RIMS2: variants seen among roughly 807,000 people sequenced by gnomAD.
The protein encoded by RIMS2 is regulating synaptic membrane exocytosis protein 2.
RIMS2 carries 59 observed loss-of-function variants against 174.4 expected under a neutral mutation model. The ratio of observed to expected loss-of-function variants is 0.34; its 90% CI spans 0.27 to 0.42. The LOEUF is 0.42. RIMS2 is among the 10% of genes least tolerant of loss of function. The pLI is 1.00. For synonymous variants in RIMS2, 606 were observed against 572.5 expected (o/e 1.06, Z -0.84); for missense variants, 1,620 against 1,666.3 (o/e 0.97, Z 0.48).
chr8:104,168,005 A>C (rs1586388690), intron 19 of RIMS2, among the ~76,000 whole-genome samples: 2 of 152,026 alleles, frequency 1.3e-5, no homozygotes, highest in African/African-American at 4.8e-5. Context: ...TGGGTTCTCT[A>C]TTCTATTCCA....
intron 19 of RIMS2, chr8:104,223,525 G>A: frequency 2.1e-6 from 3 of 1,416,534 alleles, no homozygotes; most frequent in Non-Finnish European, 2.8e-6. Flanking sequence ...AGGGGCCAGA[G>A]CCTCAGGGTC....
At chr8:103,990,866 T>C (rs1212335604) in intron 17 of RIMS2, among the ~76,000 whole-genome samples, 1 of 151,980 alleles carries the variant, frequency 6.6e-6, no homozygotes, top group Non-Finnish European at 1.5e-5. Flanking sequence ...AAATAAATGC[T>C]GTCTAAATCT....
At chr8:104,192,128 G>A (rs534663870) in intron 19 of RIMS2, among the ~76,000 whole-genome samples, 73 of 152,272 alleles carry the variant, frequency 4.8e-4, no homozygotes, top group African/African-American at 1.6e-3. Flanking sequence ...ACTGCAGGCA[G>A]TAGTGATAGG....
intron 19 of RIMS2, among the ~76,000 whole-genome samples, chr8:104,058,291 G>C (rs1307782721): frequency 1.4e-5 from 2 of 147,516 alleles, no homozygotes; most frequent in African/African-American, 5.1e-5. Context: ...TCTCATTGTG[G>C]TTTTGATTTG....
intron 13 of RIMS2, among the ~76,000 whole-genome samples, chr8:103,940,867 C>T (rs1182719741): frequency 7.1e-6 from 1 of 140,698 alleles, no homozygotes; most frequent in Non-Finnish European, 1.5e-5. Flanking sequence ...CAGAGTGAGA[C>T]TCCATCTCAA....
chr8:103,975,282 A>G (rs2093319613), intron 15 of RIMS2, 68 bp from the exon 18 acceptor site: 4 of 1,014,846 alleles, frequency 3.9e-6, no homozygotes, highest in South Asian at 1.9e-5. Flanking sequence ...GTTTTTGAGT[A>G]AAGTAGAAGA....
At chr8:103,612,087 C>T (rs1016436483) in intron 1 of RIMS2, among the ~76,000 whole-genome samples, 3 of 152,186 alleles carry the variant, frequency 2.0e-5, no homozygotes, top group Non-Finnish European at 2.9e-5. Context: ...CATTCTTCAG[C>T]ATGTCAGTTG....
intron 16 of RIMS2, among the ~76,000 whole-genome samples, chr8:103,985,076 T>A (rs115287441): frequency 0.016 from 2,394 of 152,222 alleles, 52 homozygotes; most frequent in African/African-American, 0.051. Flanking sequence ...TGGCAATGGT[T>A]AACGGGTACA....
At chr8:104,221,801 T>C (rs1416560391) in intron 19 of RIMS2, among the ~76,000 whole-genome samples, 3 of 152,248 alleles carry the variant, frequency 2.0e-5, no homozygotes, top group Non-Finnish European at 4.4e-5. Flanking sequence ...GCATTTTTCA[T>C]ACCTTCTAAA....
At chr8:103,974,109 T>C (rs1412055245) in intron 15 of RIMS2, among the ~76,000 whole-genome samples, 1 of 152,154 alleles carries the variant, frequency 6.6e-6, no homozygotes, top group Non-Finnish European at 1.5e-5. Context: ...GAATACATCA[T>C]TGCTTAGTTT....
At chr8:104,216,928 TTATA>T (rs1436131710) in intron 19 of RIMS2, among the ~76,000 whole-genome samples, 1 of 152,198 alleles carries the variant, frequency 6.6e-6, no homozygotes, top group Admixed American at 6.5e-5. Context: ...ATTAACTACC[TTATA>T]TAGTGTTTAT....
At chr8:103,862,030 G>C (rs1004882456) in intron 3 of RIMS2, among the ~76,000 whole-genome samples, 1 of 151,912 alleles carries the variant, frequency 6.6e-6, no homozygotes, top group Middle Eastern at 3.4e-3. Flanking sequence ...TTTTGGGCTC[G>C]TAGTCATAAA....
chr8:103,641,836 T>C (rs1484257630), intron 1 of RIMS2, among the ~76,000 whole-genome samples: 2 of 152,092 alleles, frequency 1.3e-5, no homozygotes, highest in African/African-American at 4.8e-5. Flanking sequence ...GGAAGCAACT[T>C]GAGGCCCTCA....
intron 19 of RIMS2, among the ~76,000 whole-genome samples, chr8:104,146,815 G>A (rs1387540056): frequency 6.6e-6 from 1 of 152,044 alleles, no homozygotes; most frequent in Non-Finnish European, 1.5e-5. Flanking sequence ...ATCCTCCTGT[G>A]CCTCCGAAGT....
chr8:103,607,342 T>C (rs1361776723), intron 1 of RIMS2, among the ~76,000 whole-genome samples: 1 of 152,110 alleles, frequency 6.6e-6, no homozygotes, highest in Admixed American at 6.5e-5. Flanking sequence ...CACTCTCTTC[T>C]GGCTTGTAGG....
chr8:104,128,619 C>G (rs763573364), intron 19 of RIMS2, among the ~76,000 whole-genome samples: 2 of 152,158 alleles, frequency 1.3e-5, no homozygotes, highest in Non-Finnish European at 2.9e-5. Context: ...ATCGCTTGAA[C>G]CTGGGAGGCG....
At chr8:103,551,127 C>T (rs2131589533) in intron 1 of RIMS2, among the ~76,000 whole-genome samples, 1 of 152,220 alleles carries the variant, frequency 6.6e-6, no homozygotes, top group Non-Finnish European at 1.5e-5. Flanking sequence ...ATACCAAAGC[C>T]TGGCAGAGAC....
In RIMS2 at chr8:103,538,829, G is replaced by A. The variant is rs147566503; in HGVS notation, c.176+37767G>A. 3.9e-4 allele frequency among the ~76,000 whole-genome samples: 59 copies of A among 152,256 alleles called. No homozygotes were observed. In the East Asian group the frequency reaches 0.011, roughly 28 times the overall value. On this transcript the variant is annotated intron_variant, in intron 1 of 23. Coordinates refer to ENST00000504942, the Ensembl canonical transcript of RIMS2. ...GCCTAGTCCATTGTATCATTCTTATGGCTTTGCGTCCTCATAGCTTAGCTC... is the reference window on the plus strand; with the variant it reads ...GCCTAGTCCATTGTATCATTCTTATAGCTTTGCGTCCTCATAGCTTAGCTC...
intron 14 of RIMS2, 82 bp from the exon 17 acceptor site, chr8:103,960,983 T>G: frequency 1.3e-6 from 1 of 773,894 alleles, no homozygotes; most frequent in South Asian, 1.4e-5. Context: ...TCAGAATATT[T>G]TCGTTTGTTT....
Sources: allele counts gnomAD v4.1 joint callset (sites outside exome capture counted in the v4.1 genomes callset), GRCh38; gene constraint gnomAD v4.1.1; transcripts MANE v1.5; gene names NCBI Gene and HGNC (gene_info 2026-07-23, HGNC 2026-07-21).